RALGPS1: variants seen among roughly 807,000 people sequenced by gnomAD.
RALGPS1 encodes ras-specific guanine nucleotide-releasing factor RalGPS1.
In RALGPS1, 19 loss-of-function variants were observed where a neutral mutation model predicts 78.8. That is an observed-to-expected ratio of 0.24 (90% CI 0.17 to 0.35). The LOEUF is 0.35. RALGPS1 is among the 10% of genes least tolerant of loss of function. The probability of loss-of-function intolerance (pLI) is 1.00; values close to 1 mark genes in which losing one functional copy is unlikely to be tolerated. For synonymous variants in RALGPS1, 228 were observed against 256.3 expected (o/e 0.89, Z 1.06); for missense variants, 454 against 688.3 (o/e 0.66, Z 3.81).
At chr9:127,172,545 G>A (rs1474730573) in intron 10 of RALGPS1, among the ~76,000 whole-genome samples, 1 of 152,162 alleles carries the variant, frequency 6.6e-6, no homozygotes, top group East Asian at 1.9e-4. Flanking sequence ...GGGATTCCAG[G>A]AATCCGTCCG....
chr9:127,062,259 G>A (rs539189483), intron 7 of RALGPS1, among the ~76,000 whole-genome samples: 12 of 152,088 alleles, frequency 7.9e-5, no homozygotes, highest in Non-Finnish European at 1.6e-4. Flanking sequence ...CACCATGCCC[G>A]GCTAATTTTT....
intron 3 of RALGPS1, among the ~76,000 whole-genome samples, chr9:126,969,462 A>G (rs2039882077): frequency 6.6e-6 from 1 of 152,328 alleles, no homozygotes; most frequent in Non-Finnish European, 1.5e-5. Flanking sequence ...CTCAGTAGCC[A>G]CATGTGGCTA....
intron 1 of RALGPS1, among the ~76,000 whole-genome samples, chr9:126,947,135 T>G (rs970978450): frequency 7.9e-5 from 12 of 152,200 alleles, no homozygotes; most frequent in Non-Finnish European, 1.6e-4. Context: ...TCTTGTGGTC[T>G]TAGGCTAAGA....
intron 7 of RALGPS1, among the ~76,000 whole-genome samples, chr9:127,063,652 A>G (rs987461259): frequency 6.6e-6 from 1 of 151,904 alleles, no homozygotes; most frequent in African/African-American, 2.4e-5. Flanking sequence ...CAGTTTTCCC[A>G]CTATTTTCTT....
intron 4 of RALGPS1, among the ~76,000 whole-genome samples, chr9:127,018,208 G>A (rs969078369): frequency 1.3e-5 from 2 of 151,510 alleles, no homozygotes; most frequent in South Asian, 2.1e-4. Flanking sequence ...GCAAGACTCC[G>A]TCTCAAACAA....
intron 8 of RALGPS1, chr9:127,108,307 A>G (rs1335459929): frequency 1.9e-6 from 3 of 1,613,884 alleles, no homozygotes; most frequent in Non-Finnish European, 2.5e-6. Flanking sequence ...GATCTCGTGC[A>G]GGAGCTGCAT....
At chr9:127,169,022 T>C (rs1468734566) in intron 10 of RALGPS1, among the ~76,000 whole-genome samples, 6 of 152,330 alleles carry the variant, frequency 3.9e-5, no homozygotes, top group Non-Finnish European at 8.8e-5. Context: ...CCCATCCTCA[T>C]GGGCCCCCCA....
At chr9:126,945,321 C>A (rs2037158478) in intron 1 of RALGPS1, among the ~76,000 whole-genome samples, 1 of 152,158 alleles carries the variant, frequency 6.6e-6, no homozygotes, top group South Asian at 2.1e-4. Context: ...GCCTCAGCCT[C>A]CCGAGTAGCT....
At chr9:127,019,615 C>T (rs1225610990) in intron 4 of RALGPS1, among the ~76,000 whole-genome samples, 2 of 152,192 alleles carry the variant, frequency 1.3e-5, no homozygotes, top group African/African-American at 4.8e-5. Context: ...GTGTGAGCAA[C>T]CGCGCCTGGC....
At chr9:127,007,973 G>T (rs1490807396) in intron 4 of RALGPS1, among the ~76,000 whole-genome samples, 4 of 152,158 alleles carry the variant, frequency 2.6e-5, no homozygotes, top group African/African-American at 9.7e-5. Context: ...AGACGATGTG[G>T]TCTGTGTGAG....
chr9:127,120,521 A>T (rs183497856), intron 8 of RALGPS1, among the ~76,000 whole-genome samples: 40 of 152,340 alleles, frequency 2.6e-4, no homozygotes, highest in Admixed American at 9.8e-4. Flanking sequence ...TGTCCAGAAC[A>T]GGGAAAGAAT....
intron 8 of RALGPS1, among the ~76,000 whole-genome samples, chr9:127,073,012 G>A (rs1046699995): frequency 6.6e-6 from 1 of 152,126 alleles, no homozygotes; most frequent in Admixed American, 6.6e-5. Flanking sequence ...TACATTCATA[G>A]AATGTATAAT....
intron 3 of RALGPS1, among the ~76,000 whole-genome samples, chr9:126,971,508 A>G (rs993462241): frequency 6.6e-6 from 1 of 152,324 alleles, no homozygotes; most frequent in Admixed American, 6.5e-5. Flanking sequence ...CCAAAAGGAA[A>G]TGGAACTACA....
rs2062340921 is a variant in RALGPS1, at chr9:127,212,655, T to C, written c.1382T>C (p.Ile461Thr). 6.2e-7 allele frequency: 1 copy of C among 1,613,362 alleles called. No individual in the cohort carries two copies. ...ALSSWTRYWV[I>T]LSGSTLLYYG... ...TCCTCGTGGACCAGGTACTGGGTCA[T>C]ACTCTCAGGATCCACCCTCCTGTAC... Residue 461 changes from isoleucine to threonine, a missense_variant, in exon 16 of 19, where the codon ATA (isoleucine) becomes ACA (threonine). Physicochemically the swap from Ile to Thr is moderately conservative, Grantham distance 89 (BLOSUM62 -1). Coordinates refer to ENST00000259351, the MANE Select transcript of RALGPS1 (RefSeq NM_014636.3). The surrounding 1 kb of genome is among the most constrained non-coding windows in gnomAD (Gnocchi z 6.0).
intron 8 of RALGPS1, among the ~76,000 whole-genome samples, chr9:127,128,996 G>A (rs919321270): frequency 2.0e-5 from 3 of 152,182 alleles, no homozygotes; most frequent in African/African-American, 4.8e-5. Flanking sequence ...CCAGGGGACC[G>A]TGAGGACAAC....
Position 126,979,241 on chromosome 9 carries a change from A to ATGTGTGTG in RALGPS1, c.216+1523_216+1530dup, listed in dbSNP as rs57264470. On this transcript the variant is annotated intron_variant, in intron 4 of 18. Transcript: ENST00000259351. The stretch of plus-strand genomic sequence containing the variant: ...CAGTTATTTGTATTATTGTATTATT[A>ATGTGTGTG]TGTGTGTGTGTGTGTGTGTGTGTGT... Among the ~76,000 whole-genome samples, 8 of 146,790 alleles carry ATGTGTGTG rather than the reference A, an allele frequency of 5.4e-5. No individual in the cohort carries two copies. The East Asian group carries it at 1.6e-3, about 29-fold the overall frequency.
chr9:127,019,451 C>G (rs1417275996), intron 4 of RALGPS1, among the ~76,000 whole-genome samples: 1 of 151,996 alleles, frequency 6.6e-6, no homozygotes, highest in Non-Finnish European at 1.5e-5. Flanking sequence ...CCTCAGCCTC[C>G]CGAGTAGCTG....
chr9:127,042,791 A>G (rs2047432115), intron 5 of RALGPS1, among the ~76,000 whole-genome samples: 1 of 152,218 alleles, frequency 6.6e-6, no homozygotes, highest in Non-Finnish European at 1.5e-5. Context: ...ATCTCCAAAA[A>G]TACTCCTGGA....
In RALGPS1 at chr9:127,183,291, G is replaced by A. The variant is rs1028854896; in HGVS notation, c.910+8509G>A. On this transcript the variant is annotated intron_variant, in intron 11 of 18. Transcript: ENST00000259351. This position sits in a 1 kb window ranked among gnomAD's most constrained non-coding sequence, Gnocchi z 4.0. ...GATGCTTCTTCTCCCAGGCACTTCC[G>A]TGGGTATTTCAGAGATTCCACAAGT... 1.3e-5 allele frequency among the ~76,000 whole-genome samples: 2 copies of A among 152,178 alleles called. No individual in the cohort carries two copies. The highest frequency in any genetic ancestry group is 2.9e-5 in the Non-Finnish European group (2 of 68,042).
Sources: allele counts gnomAD v4.1 joint callset (sites outside exome capture counted in the v4.1 genomes callset), GRCh38; gene constraint gnomAD v4.1.1; non-coding constraint Gnocchi (gnomAD v3.1); transcripts MANE v1.5; gene names NCBI Gene and HGNC (gene_info 2026-07-23, HGNC 2026-07-21).